Variants in PKNOX2 observed in about 807,000 individuals in gnomAD.
The protein encoded by PKNOX2 is PBX/knotted 1 homeobox 2, also known as homeobox protein PKNOX2.
Under a neutral mutation model 53.1 loss-of-function variants are expected in PKNOX2, and 14 were observed. The ratio of observed to expected loss-of-function variants is 0.26; its 90% CI spans 0.17 to 0.41. The LOEUF (loss-of-function observed/expected upper bound fraction) is 0.41, where lower values mean the gene tolerates loss of function less well. PKNOX2 is among the 10% of genes least tolerant of loss of function. The pLI is 1.00. For missense variants in PKNOX2, 496 were observed against 602.8 expected (o/e 0.82, Z 1.85); for synonymous variants, 257 against 242.8 (o/e 1.06, Z -0.54).
chr11:125,234,738 A>G (rs1320065415), intron 1 of PKNOX2, among the ~76,000 whole-genome samples: 1 of 136,496 alleles, frequency 7.3e-6, no homozygotes, highest in Non-Finnish European at 1.5e-5. Context: ...GACAACCATG[A>G]GGCTTTTTTT....
At chr11:125,360,318 A>G (rs1951857079) in intron 4 of PKNOX2, among the ~76,000 whole-genome samples, 1 of 152,044 alleles carries the variant, frequency 6.6e-6, no homozygotes, top group African/African-American at 2.4e-5. Flanking sequence ...GGATCTGAAC[A>G]GGGGGTGGGA....
intron 6 of PKNOX2, among the ~76,000 whole-genome samples, chr11:125,390,238 C>A (rs1034148188): frequency 6.6e-6 from 1 of 152,240 alleles, no homozygotes; most frequent in Non-Finnish European, 1.5e-5. Flanking sequence ...CCACAAGGCA[C>A]ATGTTACTAT....
At chr11:125,299,102 G>A (rs960832919) in intron 2 of PKNOX2, among the ~76,000 whole-genome samples, 1 of 152,160 alleles carries the variant, frequency 6.6e-6, no homozygotes, top group African/African-American at 2.4e-5. Flanking sequence ...GGGGGAGCAG[G>A]CATGTCACCT....
chr11:125,263,523 T>C (rs937608920), intron 2 of PKNOX2, among the ~76,000 whole-genome samples: 4 of 152,162 alleles, frequency 2.6e-5, no homozygotes, highest in Non-Finnish European at 2.9e-5. Flanking sequence ...GGTATGTCGG[T>C]TTCCATAGCA....
rs1251434165 is a variant in PKNOX2, at chr11:125,392,311, CAG to C, written c.400-5558_400-5557del. ...AATTTGCCCAACGGCACCCAATTAA[CAG>C]AGAGCGGGCTCGGACTCAAATCCAG... On this transcript the variant is annotated intron_variant, in intron 6 of 12. Transcript: ENST00000298282. Among the ~76,000 whole-genome samples the C allele has an allele frequency of 2.0e-5, 3 of 152,348 alleles. No individual in the cohort carries two copies. In the East Asian group the frequency reaches 5.8e-4, roughly 29 times the overall value.
intron 1 of PKNOX2, among the ~76,000 whole-genome samples, chr11:125,189,445 GTGTA>G (rs1315586899): frequency 1.8e-3 from 89 of 50,548 alleles, no homozygotes; most frequent in South Asian, 6.3e-3. Flanking sequence ...GTGTGTGTGT[GTGTA>G]TATATATATA....
intron 3 of PKNOX2, among the ~76,000 whole-genome samples, chr11:125,333,551 C>T (rs1310472089): frequency 5.3e-5 from 7 of 131,614 alleles, no homozygotes; most frequent in African/African-American, 1.7e-4. Context: ...CACACACATA[C>T]ACACACACAC....
chr11:125,285,763 A>G (rs1946857770), intron 2 of PKNOX2, among the ~76,000 whole-genome samples: 1 of 152,230 alleles, frequency 6.6e-6, no homozygotes, highest in Non-Finnish European at 1.5e-5. Flanking sequence ...ATTAACATTA[A>G]ATTACACAAA....
chr11:125,318,939 C>A (rs1949364982), intron 2 of PKNOX2, among the ~76,000 whole-genome samples: 1 of 152,166 alleles, frequency 6.6e-6, no homozygotes, highest in Admixed American at 6.5e-5. Context: ...TCACCTTCCA[C>A]CATGATTTTA....
chr11:125,232,436 G>A (rs1942290736), intron 1 of PKNOX2, among the ~76,000 whole-genome samples: 1 of 152,182 alleles, frequency 6.6e-6, no homozygotes, highest in South Asian at 2.1e-4. Flanking sequence ...ACCCTCAGAG[G>A]AGGAGTTAGC....
Position 125,431,464 on chromosome 11 carries a change from GAA to G in PKNOX2, c.*73_*74del. 3.3e-6 allele frequency: 1 copy of G among 302,800 alleles called. No individual in the cohort carries two copies. The highest frequency in any genetic ancestry group is 3.5e-5 in the Admixed American group (1 of 28,702). The allele number at this position is 302,800 out of a possible 1,614,324, so 18.8% of individuals were successfully genotyped here. A position where few individuals can be genotyped will look rare whatever the true frequency, so the allele number is the denominator to read the frequency against. ...GCCGGGAGGCCTTCAGGGTGGGGGG[GAA>G]GGGGACATGGGCAGGAAGCACCGAG... is the stretch of plus-strand genomic sequence containing the variant. On this transcript the variant is annotated 3_prime_UTR_variant, in exon 13 of 13. Coordinates refer to ENST00000298282, the MANE Select transcript of PKNOX2 (RefSeq NM_001382323.2).
chr11:125,379,399 A>G (rs947068281), intron 5 of PKNOX2, among the ~76,000 whole-genome samples: 22 of 152,178 alleles, frequency 1.4e-4, no homozygotes, highest in Non-Finnish European at 2.5e-4. Flanking sequence ...CTTTTAATAA[A>G]AAGAAATTAG....
intron 1 of PKNOX2, among the ~76,000 whole-genome samples, chr11:125,204,541 G>C (rs952436916): frequency 6.6e-6 from 1 of 152,190 alleles, no homozygotes; most frequent in African/African-American, 2.4e-5. Flanking sequence ...CAGGTTGAAC[G>C]ACACATCCCA....
intron 10 of PKNOX2, among the ~76,000 whole-genome samples, chr11:125,425,720 A>G (rs1169621005): frequency 6.6e-6 from 1 of 152,218 alleles, no homozygotes; most frequent in Admixed American, 6.5e-5. Flanking sequence ...CGCTGACCCA[A>G]TCATGGTCTG....
chr11:125,345,484 A>G (rs929402741), intron 3 of PKNOX2, among the ~76,000 whole-genome samples: 2 of 152,040 alleles, frequency 1.3e-5, no homozygotes, highest in African/African-American at 2.4e-5. Context: ...CCCCGCCTCC[A>G]GCTTGTCACT....
chr11:125,377,522 A>G (rs1327757516), intron 5 of PKNOX2, among the ~76,000 whole-genome samples: 2 of 152,216 alleles, frequency 1.3e-5, no homozygotes, highest in African/African-American at 4.8e-5. Flanking sequence ...AAGGGCAAAG[A>G]TGGGCACAGG....
intron 1 of PKNOX2, among the ~76,000 whole-genome samples, chr11:125,230,149 G>T (rs1298530943): frequency 2.0e-5 from 3 of 152,234 alleles, no homozygotes; most frequent in Non-Finnish European, 4.4e-5. Context: ...TGGCACAGGG[G>T]GCTGAGGACT....
intron 1 of PKNOX2, among the ~76,000 whole-genome samples, chr11:125,232,183 T>C (rs2135553997): frequency 6.6e-6 from 1 of 152,236 alleles, no homozygotes; most frequent in East Asian, 1.9e-4. Flanking sequence ...TTTGGAGGAC[T>C]ACCATGTGGG....
Position 125,250,260 on chromosome 11 carries a change from TC to T in PKNOX2, c.-130+15146del, listed in dbSNP as rs1422228560. Among the ~76,000 whole-genome samples, 7 of 152,154 alleles carry T rather than the reference TC, an allele frequency of 4.6e-5. No homozygotes were observed. The East Asian group carries it at 5.8e-4, about 13-fold the overall frequency. Reference sequence around the variant, plus strand: ...TCCTTCACCTCAAGTTACGTATATTTCTTTTTTTCAAAAACAAACAAAAATA... The same window carrying T: ...TCCTTCACCTCAAGTTACGTATATTTTTTTTTTCAAAAACAAACAAAAATA... On this transcript the variant is annotated intron_variant, in intron 2 of 12. Transcript: ENST00000298282.
Sources: allele counts gnomAD v4.1 joint callset (sites outside exome capture counted in the v4.1 genomes callset), GRCh38; gene constraint gnomAD v4.1.1; transcripts MANE v1.5; gene names NCBI Gene and HGNC (gene_info 2026-07-23, HGNC 2026-07-21).